The following GLIS3 variants were observed in gnomAD, a reference collection of about 807,000 sequenced individuals.
GLIS3 encodes the protein GLIS family zinc finger 3.
GLIS3 carries 53 observed loss-of-function variants against 78.6 expected under a neutral mutation model. The ratio of observed to expected loss-of-function variants is 0.67; its 90% confidence interval spans 0.54 to 0.85. The LOEUF is 0.85. Among genes scored for constraint, GLIS3 ranks in the 40% least tolerant of loss-of-function variants. The pLI is 0.00. For missense variants in GLIS3, 1,703 were observed against 1,231.1 expected, an observed-to-expected ratio of 1.38 and a Z score of -5.74; for synonymous variants, 684 against 509.9, an observed-to-expected ratio of 1.34 and a Z score of -4.60.
At chr9:4,365,395 A>G in the GLIS3 span, among the ~76,000 whole-genome samples, 1 of 151,974 alleles carries the variant, frequency 6.6e-6, no homozygotes, top group African/African-American at 2.4e-5. Context: ...AACTCTACTA[A>G]AAGTATAAAA....
At chr9:4,381,965 G>A in the GLIS3 span, among the ~76,000 whole-genome samples, 152 of 152,296 alleles carry the variant, frequency 1.0e-3, no homozygotes, top group African/African-American at 3.6e-3. Flanking sequence ...AGCACAGGCT[G>A]GGTGGAATCC....
At chr9:4,197,432 C>G (rs1336604988) in intron 2 of GLIS3, among the ~76,000 whole-genome samples, 5 of 152,224 alleles carry the variant, frequency 3.3e-5, no homozygotes, top group East Asian at 3.8e-4. Context: ...CATTCACTCT[C>G]CTGGATTAGG....
the GLIS3 span, among the ~76,000 whole-genome samples, chr9:4,483,591 A>G: frequency 3.2e-3 from 492 of 152,100 alleles, 3 homozygotes; most frequent in East Asian, 0.013. Context: ...GTGGTGGTGC[A>G]CGCCTGTAAT....
chr9:4,228,057 A>T (rs1254414552), intron 2 of GLIS3, among the ~76,000 whole-genome samples: 3 of 152,166 alleles, frequency 2.0e-5, no homozygotes, highest in East Asian at 1.9e-4. Flanking sequence ...CCCCATACTT[A>T]TAAGAACAAA....
intron 3 of GLIS3, chr9:4,123,903 G>C (rs1164426806): frequency 1.3e-5 from 5 of 396,636 alleles, no homozygotes; most frequent in Non-Finnish European, 2.2e-5. Context: ...GCTTTTCATA[G>C]GGCAGCATCT....
chr9:4,314,120 G>C (rs1817404510), intron 2 of GLIS3, among the ~76,000 whole-genome samples: 1 of 152,194 alleles, frequency 6.6e-6, no homozygotes, highest in Non-Finnish European at 1.5e-5. Flanking sequence ...TTTCTCAGCA[G>C]CAATGTGGGA....
In GLIS3 at chr9:4,268,146, C is replaced by A. The variant is rs995016235; in HGVS notation, c.388+17892G>T. 2.6e-5 allele frequency among the ~76,000 whole-genome samples: 4 copies of A among 152,286 alleles called. No individual in the cohort carries two copies. In the East Asian group the frequency reaches 7.7e-4, roughly 29 times the overall value. Reference sequence around the variant, plus strand: ...CCAAAGTGGCTGGTTCAAATCCTGACTCTGCCACTTACAGGCTGTATGACC... The same window carrying A: ...CCAAAGTGGCTGGTTCAAATCCTGAATCTGCCACTTACAGGCTGTATGACC... On this transcript the variant is annotated intron_variant, in intron 2 of 10. Coordinates refer to ENST00000381971, the MANE Select transcript of GLIS3 (RefSeq NM_001042413.2).
chr9:4,221,536 A>C (rs1023874997), intron 2 of GLIS3, among the ~76,000 whole-genome samples: 1 of 152,184 alleles, frequency 6.6e-6, no homozygotes, highest in Non-Finnish European at 1.5e-5. Flanking sequence ...GTGAAGCAAG[A>C]GGCTTCGAAA....
At chr9:4,062,975 G>T (rs899756719) in intron 4 of GLIS3, among the ~76,000 whole-genome samples, 1 of 151,810 alleles carries the variant, frequency 6.6e-6, no homozygotes, top group Non-Finnish European at 1.5e-5. Context: ...AGCACAGTAT[G>T]CAAACGACAC....
intron 2 of GLIS3, among the ~76,000 whole-genome samples, chr9:4,265,233 A>T (rs1033437691): frequency 6.6e-6 from 1 of 152,038 alleles, no homozygotes; most frequent in Non-Finnish European, 1.5e-5. Context: ...ATCTGGTGAA[A>T]GGTGATAGGA....
chr9:3,910,247 G>C (rs1824043640), intron 6 of GLIS3, among the ~76,000 whole-genome samples: 1 of 152,168 alleles, frequency 6.6e-6, no homozygotes, highest in African/African-American at 2.4e-5. Context: ...AAATGCTGTA[G>C]TATCATAGAA....
chr9:4,304,742 T>G (rs77428133), upstream of GLIS3, among the ~76,000 whole-genome samples: 1,683 of 152,272 alleles, frequency 0.011, 13 homozygotes, highest in Non-Finnish European at 0.018. Context: ...AGCAATTCAG[T>G]GGCTTTTCAG....
At chr9:4,342,878 T>C (rs986315478) in intron 2 of GLIS3, among the ~76,000 whole-genome samples, 1 of 152,242 alleles carries the variant, frequency 6.6e-6, no homozygotes, top group African/African-American at 2.4e-5. Context: ...GATTGTGTTC[T>C]TGATTTGGCT....
intron 6 of GLIS3, among the ~76,000 whole-genome samples, chr9:3,919,874 C>T (rs1409097972): frequency 6.6e-6 from 1 of 151,892 alleles, no homozygotes; most frequent in Non-Finnish European, 1.5e-5. Flanking sequence ...AAAGTAAACA[C>T]CCATGAAAAT....
At chr9:4,268,049 G>C (rs534136874) in intron 2 of GLIS3, among the ~76,000 whole-genome samples, 1 of 151,854 alleles carries the variant, frequency 6.6e-6, no homozygotes, top group African/African-American at 2.4e-5. Context: ...ACGTGCGTGC[G>C]TGCGCACACA....
At chr9:3,909,264 C>T (rs1321846154) in intron 6 of GLIS3, among the ~76,000 whole-genome samples, 2 of 152,092 alleles carry the variant, frequency 1.3e-5, no homozygotes, top group African/African-American at 4.8e-5. Flanking sequence ...AATGAATTAA[C>T]CTATTATATT....
intron 8 of GLIS3, among the ~76,000 whole-genome samples, chr9:3,859,986 C>G (rs1209347215): frequency 3.3e-5 from 5 of 152,044 alleles, no homozygotes; most frequent in African/African-American, 1.2e-4. Context: ...ATAAAAAATC[C>G]TCTGGGGGGC....
At chr9:4,406,339 G>C in the GLIS3 span, among the ~76,000 whole-genome samples, 1 of 152,272 alleles carries the variant, frequency 6.6e-6, no homozygotes, top group East Asian at 1.9e-4. Context: ...TTGAGACAGA[G>C]TTTTGCTCTT....
chr9:4,236,184 CAAAAAA>C (rs59839951), intron 2 of GLIS3, among the ~76,000 whole-genome samples: 32 of 84,298 alleles, frequency 3.8e-4, no homozygotes, highest in African/African-American at 1.1e-3. Flanking sequence ...GTGGTTGTCA[CAAAAAA>C]AAAAAAAAAA....
Sources: allele counts gnomAD v4.1 joint callset (sites outside exome capture counted in the v4.1 genomes callset), GRCh38; gene constraint gnomAD v4.1.1; transcripts MANE v1.5; gene names NCBI Gene and HGNC (gene_info 2026-07-23, HGNC 2026-07-21).